HMCN2: variants seen among roughly 807,000 people sequenced by gnomAD.
HMCN2 encodes the protein hemicentin 2, also known as hemicentin-2.
Under a neutral mutation model 377.5 loss-of-function variants are expected in HMCN2, and 325 were observed. The observed-to-expected ratio is 0.86, with a 90% CI of 0.79 to 0.94. The LOEUF (loss-of-function observed/expected upper bound fraction) is 0.94. Among genes scored for constraint, HMCN2 ranks in the 40% least tolerant of loss-of-function variants. The pLI, the probability that HMCN2 is intolerant of heterozygous loss-of-function variation, is 0.00. For synonymous variants in HMCN2, 2,007 were observed against 2,046.8 expected, an observed-to-expected ratio of 0.98 and a Z score of 0.53; for missense variants, 4,543 against 4,725.3, an observed-to-expected ratio of 0.96 and a Z score of 1.13.
chr9:130,292,997 T>TCTAC (rs66620281), intron 4 of HMCN2, among the ~76,000 whole-genome samples: 39 of 106,622 alleles, frequency 3.7e-4, no homozygotes, highest in African/African-American at 7.8e-4. Flanking sequence ...TATCTATCTA[T>TCTAC]CTACCTACCT....
At chr9:130,325,022 G>A (rs1466203540) in intron 19 of HMCN2, among the ~76,000 whole-genome samples, 2 of 151,508 alleles carry the variant, frequency 1.3e-5, no homozygotes, top group Non-Finnish European at 2.9e-5. Context: ...TCTGGGCTCT[G>A]CCTCTTCATC....
chr9:130,407,315 T>G lies in HMCN2; in HGVS notation c.12554-256T>G, dbSNP rs1651585681. 4 of 269,410 alleles carry G rather than the reference T, an allele frequency of 1.5e-5. 1 individual carries two copies. Among genetic ancestry groups the G allele is most frequent in the South Asian group, 1.3e-4 (4 of 31,838 alleles). The allele number at this position is 269,410 out of a possible 1,614,324, so 16.7% of individuals were successfully genotyped here. On this transcript the variant is annotated intron_variant, in intron 82 of 97. Coordinates refer to ENST00000683500, the MANE Select transcript of HMCN2 (RefSeq NM_001291815.2). The stretch of plus-strand genomic sequence containing the variant: ...CAGTGTTTCAGTAAGTGTCCTGTGC[T>G]GAGAGGCCCCCAAAAACCTGCCCTT...
Position 130,365,871 on chromosome 9 carries a change from C to T in HMCN2, c.6506-5C>T. ...CCCACTAACTCTCTCTCTGCTCTGA[C>T]TCAGTTGCTCCAGTGTTCCCCTTGA... On this transcript the variant is annotated splice_polypyrimidine_tract_variant and splice_region_variant and intron_variant, in intron 42 of 97. Transcript: ENST00000683500. 4 of 985,718 alleles carry T rather than the reference C, an allele frequency of 4.1e-6. No homozygotes were observed. Among genetic ancestry groups the T allele is most frequent in the Non-Finnish European group, 4.8e-6 (4 of 829,818 alleles). The allele number at this position is 985,718 out of a possible 1,614,324, so 61.1% of individuals were successfully genotyped here.
rs1837116650 is a variant in HMCN2 at position 130,309,722 on chromosome 9, G to A, written c.2201-190G>A. Among the ~76,000 whole-genome samples, 4 of 152,144 alleles carry A rather than the reference G, an allele frequency of 2.6e-5. No homozygotes were observed. In the South Asian group the frequency reaches 8.3e-4, roughly 32 times the overall value. ...TTAGCCCCAACCCTGTTCAACAGAG[G>A]GAAGGCCCAAGCCCCCTGCAGGACT... On this transcript the variant is annotated intron_variant, in intron 14 of 97. Transcript: ENST00000683500.
In HMCN2 at chr9:130,427,521, C is replaced by T. The variant is rs756981338; in HGVS notation, c.13967C>T (p.Pro4656Leu). 1 of 1,550,526 alleles carries T rather than the reference C, an allele frequency of 6.4e-7. No individual in the cohort carries two copies. The highest frequency in any genetic ancestry group is 8.7e-7 in the Non-Finnish European group (1 of 1,146,972). ...CVDRDECSGG[P>L]SPCSHACLNA... ...GACAGGGACGAGTGCTCAGGAGGCC[C>T]TAGCCCCTGCTCCCATGCCTGCCTT... Residue 4656 changes from proline to leucine, a missense_variant, in exon 92 of 98, where the codon CCT becomes CTT. Transcript: ENST00000683500.
intron 25 of HMCN2, among the ~76,000 whole-genome samples, chr9:130,343,977 G>A (rs1326212489): frequency 6.6e-6 from 1 of 152,212 alleles, no homozygotes; most frequent in Non-Finnish European, 1.5e-5. Flanking sequence ...ACTTGGTGGT[G>A]TGTGTGGTGT....
At position 130,362,975 on chromosome 9, in the gene HMCN2, G is replaced by T; in HGVS notation, c.6217G>T (p.Val2073Phe). Residue 2073 changes from valine to phenylalanine, a missense_variant, in exon 40 of 98, where the codon GTC (valine) becomes TTC (phenylalanine). By Grantham distance (50) the Val-to-Phe change is conservative. This residue lies in a region of HMCN2 where 1,032 missense variants were observed against 1,285.1 expected (regional missense o/e 0.80). Coordinates refer to ENST00000683500, the MANE Select transcript of HMCN2 (RefSeq NM_001291815.2). ...SAVGEDRQDV[V>F]LQVHMPPSIL... ...GGTGGGCGAGGACCGCCAGGATGTT[G>T]TCCTGCAAGTCCACAGTGAGTCTCA... 4 of 985,944 alleles carry T rather than the reference G, an allele frequency of 4.1e-6. No individual in the cohort carries two copies. The highest frequency in any genetic ancestry group is 4.8e-6 in the Non-Finnish European group (4 of 829,986). 61.1% of individuals were successfully genotyped at this position (985,944 alleles called of 1,614,324 possible).
intron 21 of HMCN2, among the ~76,000 whole-genome samples, chr9:130,326,332 T>G (rs1838132190): frequency 6.6e-6 from 1 of 152,112 alleles, no homozygotes; most frequent in African/African-American, 2.4e-5. Context: ...TGCTGTAAAC[T>G]GTGGAATATC....
chr9:130,334,184 G>A (rs1399446810), intron 22 of HMCN2, among the ~76,000 whole-genome samples: 1 of 152,200 alleles, frequency 6.6e-6, no homozygotes, highest in Non-Finnish European at 1.5e-5. Flanking sequence ...GATGGGCCTG[G>A]CCCCCTGCGG....
At chr9:130,431,599 C>A (rs1407889198) in intron 96 of HMCN2, 113 bp downstream of exon 96, 38 of 1,414,384 alleles carry the variant, frequency 2.7e-5, no homozygotes, top group Non-Finnish European at 3.5e-5. Flanking sequence ...TCACAACTAT[C>A]CTGTGAGGTG....
At chr9:130,350,810 G>A (rs1417521034) in intron 29 of HMCN2, among the ~76,000 whole-genome samples, 1 of 151,786 alleles carries the variant, frequency 6.6e-6, no homozygotes, top group African/African-American at 2.4e-5. Context: ...GGAGGCCGAG[G>A]CAGGAGAATC....
At chr9:130,333,085 A>G (rs917070472) in intron 22 of HMCN2, among the ~76,000 whole-genome samples, 2 of 152,188 alleles carry the variant, frequency 1.3e-5, no homozygotes, top group African/African-American at 2.4e-5. Context: ...AGTGTGTGGC[A>G]TGGACAGGGA....
intron 15 of HMCN2, among the ~76,000 whole-genome samples, chr9:130,317,060 G>T (rs2131388372): frequency 6.6e-6 from 1 of 152,108 alleles, no homozygotes; most frequent in East Asian, 1.9e-4. Flanking sequence ...AATGAGTCTG[G>T]GATTTGGCTC....
chr9:130,361,978 C>T lies in HMCN2; in HGVS notation c.5951-30C>T, dbSNP rs751338233. ...CCTGCTTTGCCCCAGTGGGGCTCAG[C>T]CTGTACCCCATGTCACCCCTGCCCT... On this transcript the variant is annotated intron_variant, in intron 38 of 97. Coordinates refer to ENST00000683500, the MANE Select transcript of HMCN2 (RefSeq NM_001291815.2). The surrounding 1 kb of genome is among the most constrained non-coding windows in gnomAD (Gnocchi z 4.8). 5 of 985,588 alleles carry T rather than the reference C, an allele frequency of 5.1e-6. No homozygotes were observed. Among genetic ancestry groups the T allele is most frequent in the Non-Finnish European group, 6.0e-6 (5 of 829,652 alleles). The allele number at this position is 985,588 out of a possible 1,614,324, so 61.1% of individuals were successfully genotyped here.
chr9:130,338,377 G>T lies in HMCN2; in HGVS notation c.3487+356G>T, dbSNP rs1465780343. The T allele has an allele frequency of 3.9e-5, 6 of 152,152 alleles. 1 individual carries two copies. The highest frequency in any genetic ancestry group is 2.1e-4 in the South Asian group (1 of 4,824). The allele number at this position is 152,152 out of a possible 1,614,324, so 9.4% of individuals were successfully genotyped here. A position where few individuals can be genotyped will look rare whatever the true frequency, so the allele number is the denominator to read the frequency against. ...GTCTGAGAGGGTCTCTGCCTGGTAC[G>T]CGAGGCCCAGCTGGGAGCCCAGGGT... On this transcript the variant is annotated intron_variant, in intron 23 of 97. Coordinates refer to ENST00000683500, the MANE Select transcript of HMCN2 (RefSeq NM_001291815.2).
intron 81 of HMCN2, among the ~76,000 whole-genome samples, chr9:130,405,659 C>T (rs1588409335): frequency 6.6e-6 from 1 of 152,370 alleles, no homozygotes; most frequent in Non-Finnish European, 1.5e-5. Context: ...AAAGCAAGGC[C>T]TGCAGTGCAG....
intron 42 of HMCN2, 21 bp from the exon 43 acceptor site, chr9:130,365,854 CT>C (rs2131581856): frequency 2.0e-6 from 2 of 984,736 alleles, no homozygotes; most frequent in Non-Finnish European, 2.4e-6. Context: ...CCCCCACTAA[CT>C]CTCTCTCTGC....
At chr9:130,385,999 G>A (rs1170715968) in intron 60 of HMCN2, among the ~76,000 whole-genome samples, 4 of 152,244 alleles carry the variant, frequency 2.6e-5, no homozygotes, top group Admixed American at 1.3e-4. Context: ...TTCCTGCCTC[G>A]GTTTCCTCAG....
intron 79 of HMCN2, 48 bp from the exon 80 acceptor site, chr9:130,403,679 GCCCACCTCGGGGGT>G: frequency 7.9e-7 from 1 of 1,267,240 alleles, no homozygotes; most frequent in Non-Finnish European, 1.0e-6. Flanking sequence ...AGCCCAATCT[GCCCACCTCGGGGGT>G]CCCCAGTCCC....
Sources: gnomAD v4.1 joint callset for allele counts (sites outside exome capture counted in the v4.1 genomes callset) on GRCh38, gnomAD v4.1.1 for gene constraint, gnomAD v4.1.1 regional missense constraint, Gnocchi (gnomAD v3.1) non-coding constraint, MANE v1.5 for transcripts, NCBI Gene and HGNC (gene_info 2026-07-23, HGNC 2026-07-21) for gene names.